FHIT: variants seen among roughly 807,000 people sequenced by gnomAD.
FHIT encodes the protein bis(5'-adenosyl)-triphosphatase.
A neutral mutation model predicts 17.9 loss-of-function variants in FHIT; 19 were observed. The observed-to-expected ratio is 1.06, with a 90% confidence interval of 0.74 to 1.56. The LOEUF is 1.56. FHIT is among the 40% of genes most tolerant of loss of function. The probability of loss-of-function intolerance (pLI) is 0.00; values close to 1 mark genes in which losing one functional copy is unlikely to be tolerated. For missense variants in FHIT, 248 were observed against 189.2 expected (o/e 1.31, Z -1.82); for synonymous variants, 81 against 69.7 (o/e 1.16, Z -0.81).
At chr3:60,055,922 A>C (rs1285520175) in intron 5 of FHIT, among the ~76,000 whole-genome samples, 1 of 152,236 alleles carries the variant, frequency 6.6e-6, no homozygotes, top group Non-Finnish European at 1.5e-5. Context: ...CATTCCTGTC[A>C]GCTGGCCAAG....
rs111783415 is a variant in FHIT at position 60,359,525 on chromosome 3, C to T, written c.103+177335G>A. 9.3e-3 allele frequency among the ~76,000 whole-genome samples: 1,414 copies of T among 152,098 alleles called. 10 individuals are homozygous for T. The highest frequency in any genetic ancestry group is 0.017 in the African/African-American group (693 of 41,480). On this transcript the variant is annotated intron_variant, in intron 5 of 9. Transcript: ENST00000492590. Reference sequence around the variant, plus strand: ...CAATCTCTTGACCTCGTGATCCACCCGCCTTGGCCGCCCAAAGTGCTGGGA... The same window carrying T: ...CAATCTCTTGACCTCGTGATCCACCTGCCTTGGCCGCCCAAAGTGCTGGGA...
chr3:60,792,074 C>A (rs565906577), intron 4 of FHIT, among the ~76,000 whole-genome samples: 1 of 152,316 alleles, frequency 6.6e-6, no homozygotes, highest in African/African-American at 2.4e-5. Context: ...GATCTGGCAA[C>A]CTCTTTCAGG....
At chr3:61,033,147 C>A (rs2033088127) in intron 3 of FHIT, among the ~76,000 whole-genome samples, 1 of 152,224 alleles carries the variant, frequency 6.6e-6, no homozygotes. Flanking sequence ...CAGAAACACC[C>A]TCGCAGACAC....
intron 8 of FHIT, among the ~76,000 whole-genome samples, chr3:59,817,503 T>A (rs569422685): frequency 1.7e-4 from 22 of 130,352 alleles, no homozygotes; most frequent in African/African-American, 5.8e-4. Context: ...CGGGGCTGCA[T>A]AATGAGTTCT....
intron 5 of FHIT, among the ~76,000 whole-genome samples, chr3:60,066,887 G>T (rs974069824): frequency 1.3e-5 from 2 of 151,694 alleles, no homozygotes; most frequent in African/African-American, 4.8e-5. Context: ...CTTGTGATCC[G>T]CCCACCTCGG....
intron 5 of FHIT, among the ~76,000 whole-genome samples, chr3:60,146,782 C>A (rs1700260335): frequency 6.6e-6 from 1 of 152,154 alleles, no homozygotes; most frequent in South Asian, 2.1e-4. Flanking sequence ...TACTCCATTT[C>A]TGGGTGTGTA....
intron 5 of FHIT, among the ~76,000 whole-genome samples, chr3:60,472,116 G>GAAAC (rs1553781213): frequency 2.0e-5 from 3 of 150,158 alleles, no homozygotes; most frequent in Non-Finnish European, 4.4e-5. Flanking sequence ...ATATATCCAC[G>GAAAC]TAACGTAACT....
intron 5 of FHIT, among the ~76,000 whole-genome samples, chr3:60,261,171 TC>T (rs1174721315): frequency 3.3e-5 from 5 of 152,060 alleles, no homozygotes; most frequent in Non-Finnish European, 5.9e-5. Context: ...AAAGTACTTA[TC>T]CCTTTACTTT....
intron 4 of FHIT, among the ~76,000 whole-genome samples, chr3:60,694,794 C>G (rs1193278618): frequency 6.6e-6 from 1 of 152,094 alleles, no homozygotes; most frequent in African/African-American, 2.4e-5. Context: ...AACCATCATT[C>G]TCAGCAAACT....
intron 8 of FHIT, among the ~76,000 whole-genome samples, chr3:59,788,658 C>T (rs1699413671): frequency 3.3e-5 from 5 of 152,148 alleles, no homozygotes; most frequent in Admixed American, 3.3e-4. Context: ...CCACTATACT[C>T]ACCCTTGTGT....
intron 5 of FHIT, among the ~76,000 whole-genome samples, chr3:60,218,464 A>C (rs1703800938): frequency 6.6e-6 from 1 of 152,202 alleles, no homozygotes. Context: ...TGACAAACAT[A>C]GTTTACAGCT....
intron 4 of FHIT, among the ~76,000 whole-genome samples, chr3:60,775,520 A>C (rs542295812): frequency 6.6e-6 from 1 of 152,024 alleles, no homozygotes; most frequent in East Asian, 1.9e-4. Context: ...CACCCAATAA[A>C]ACCCTGCTCA....
At chr3:60,613,259 G>A (rs2038841213) in intron 4 of FHIT, among the ~76,000 whole-genome samples, 1 of 152,170 alleles carries the variant, frequency 6.6e-6, no homozygotes, top group Non-Finnish European at 1.5e-5. Flanking sequence ...TTCACTGAAT[G>A]AGTACAACCC....
chr3:60,174,867 T>C (rs573539669), intron 5 of FHIT, among the ~76,000 whole-genome samples: 1 of 152,336 alleles, frequency 6.6e-6, no homozygotes, highest in Non-Finnish European at 1.5e-5. Context: ...TTTCTGTCTC[T>C]ATGGATTTAC....
chr3:59,931,807 T>C (rs545781522), intron 7 of FHIT, among the ~76,000 whole-genome samples: 12 of 152,258 alleles, frequency 7.9e-5, no homozygotes, highest in African/African-American at 2.9e-4. Flanking sequence ...GTTATAATAA[T>C]ATATCATAAG....
At chr3:60,998,730 A>G (rs2030848958) in intron 3 of FHIT, among the ~76,000 whole-genome samples, 1 of 152,154 alleles carries the variant, frequency 6.6e-6, no homozygotes, top group East Asian at 1.9e-4. Context: ...TAATGCATTT[A>G]CATTTTATTA....
intron 4 of FHIT, among the ~76,000 whole-genome samples, chr3:60,554,712 A>C (rs2036684504): frequency 6.6e-6 from 1 of 152,220 alleles, no homozygotes; most frequent in African/African-American, 2.4e-5. Flanking sequence ...ACCAAAGGAA[A>C]AACCACATAA....
chr3:59,777,257 A>G (rs1702371199), intron 8 of FHIT, among the ~76,000 whole-genome samples: 1 of 151,584 alleles, frequency 6.6e-6, no homozygotes, highest in South Asian at 2.1e-4. Flanking sequence ...ATCTCCTATG[A>G]CTCCCACATT....
chr3:60,488,877 G>A (rs543888551), intron 5 of FHIT, among the ~76,000 whole-genome samples: 40 of 152,240 alleles, frequency 2.6e-4, no homozygotes, highest in African/African-American at 9.4e-4. Context: ...TGTAAAACAT[G>A]AAACTATAAT....
Sources: allele counts gnomAD v4.1 joint callset (sites outside exome capture counted in the v4.1 genomes callset), GRCh38; gene constraint gnomAD v4.1.1; transcripts MANE v1.5; gene names NCBI Gene and HGNC (gene_info 2026-07-23, HGNC 2026-07-21).